The following ADAM20 variants were observed in gnomAD, a reference collection of about 807,000 sequenced individuals.
ADAM20 encodes ADAM metallopeptidase domain 20.
For missense variants in ADAM20, 871 were observed against 883.2 expected, an observed-to-expected ratio of 0.99 and a Z score of 0.18; for synonymous variants, 305 against 310.2, an observed-to-expected ratio of 0.98 and a Z score of 0.18.
the ADAM20 span, among the ~76,000 whole-genome samples, chr14:70,569,107 G>C: frequency 6.6e-6 from 1 of 152,048 alleles, no homozygotes; most frequent in African/African-American, 2.4e-5. Context: ...AGCCAGAAGA[G>C]ACTGAAGCCT....
upstream of ADAM20, among the ~76,000 whole-genome samples, chr14:70,536,084 GCA>G (rs1390355222): frequency 6.6e-6 from 1 of 152,114 alleles, no homozygotes; most frequent in Non-Finnish European, 1.5e-5. Flanking sequence ...AACAATTGCA[GCA>G]CAGTTATGAA....
chr14:70,526,205 T>G (rs919888988), intron 1 of ADAM20, among the ~76,000 whole-genome samples: 2 of 152,202 alleles, frequency 1.3e-5, no homozygotes, highest in African/African-American at 4.8e-5. Context: ...TGCTCATATT[T>G]GAAATCAAAA....
the ADAM20 span, among the ~76,000 whole-genome samples, chr14:70,544,509 A>T: frequency 6.6e-6 from 1 of 152,210 alleles, no homozygotes; most frequent in African/African-American, 2.4e-5. Flanking sequence ...CTTTCATGGT[A>T]TATATGAGAA....
rs758154003 is a variant in ADAM20, at chr14:70,523,830, CA to C, written c.927del (p.Val310LeufsTer56). On this transcript the variant is annotated frameshift_variant, in exon 2 of 2. Transcript: ENST00000256389. LOFTEE classifies it low-confidence loss of function (END_TRUNC). ...TGGCATATTCCTTTAACATAGGCAACACCAAGCTTCATGCCTTGTGTGTCTT... is the reference window on the plus strand; with the variant it reads ...TGGCATATTCCTTTAACATAGGCAACCCAAGCTTCATGCCTTGTGTGTCTT... Reference protein sequence around the residue: ...FIKDTQGMKLGVAYVKGICQN... With the variant: ...FIKDTQGMKLXVAYVKGICQN... The C allele has an allele frequency of 6.2e-7, 1 of 1,614,050 alleles. No individual in the cohort carries two copies. The highest frequency in any genetic ancestry group is 8.5e-7 in the Non-Finnish European group (1 of 1,179,974).
the ADAM20 span, among the ~76,000 whole-genome samples, chr14:70,577,159 A>G: frequency 6.6e-6 from 1 of 152,232 alleles, no homozygotes; most frequent in African/African-American, 2.4e-5. Context: ...CCAAAATAAA[A>G]AAGAACTTAC....
In ADAM20 at chr14:70,524,867, T is replaced by TTAGGGATC; in HGVS notation, c.-118_-111dup. The TTAGGGATC allele has an allele frequency of 6.2e-7, 1 of 1,612,660 alleles. No homozygotes were observed. The highest frequency in any genetic ancestry group is 8.5e-7 in the Non-Finnish European group (1 of 1,179,776). On this transcript the variant is annotated 5_prime_UTR_variant, in exon 2 of 2. An upstream open reading frame in the 5' UTR gains an earlier in-frame stop. Coordinates refer to ENST00000256389, the MANE Select transcript of ADAM20 (RefSeq NM_003814.5). ...GCTGTTCAGGGTGCATGGCTGACCT[T>TTAGGGATC]TAGGGATCTGGGGATCTGTGTCCTG...
intron 1 of ADAM20, among the ~76,000 whole-genome samples, chr14:70,528,984 A>G (rs1470654935): frequency 2.6e-5 from 4 of 152,242 alleles, no homozygotes; most frequent in Non-Finnish European, 5.9e-5. Flanking sequence ...TATCAGGAAG[A>G]TATAACAATT....
At chr14:70,528,398 A>C (rs1464691814) in intron 1 of ADAM20, among the ~76,000 whole-genome samples, 1 of 152,240 alleles carries the variant, frequency 6.6e-6, no homozygotes, top group African/African-American at 2.4e-5. Flanking sequence ...ACTTAGGTCC[A>C]TCTTCTAAGA....
chr14:70,567,577 T>C, the ADAM20 span, among the ~76,000 whole-genome samples: 2 of 152,164 alleles, frequency 1.3e-5, no homozygotes, highest in Non-Finnish European at 2.9e-5. Context: ...GAGAAAGCAT[T>C]TTTTAAGCTT....
chr14:70,571,090 A>G, the ADAM20 span, among the ~76,000 whole-genome samples: 3 of 152,230 alleles, frequency 2.0e-5, no homozygotes, highest in African/African-American at 7.2e-5. Context: ...CTGGACATCG[A>G]AGGAACATAC....
At chr14:70,547,510 G>A in the ADAM20 span, 1 of 129,340 alleles carries the variant, frequency 7.7e-6, no homozygotes, top group South Asian at 2.9e-4. Flanking sequence ...AGGGGTCAGG[G>A]AGTTCCCTTT....
At chr14:70,570,596 C>T in the ADAM20 span, among the ~76,000 whole-genome samples, 4 of 152,098 alleles carry the variant, frequency 2.6e-5, no homozygotes, top group East Asian at 5.8e-4. Context: ...CTTGAACAGA[C>T]GAATGAGTTA....
chr14:70,571,071 T>C, the ADAM20 span, among the ~76,000 whole-genome samples: 1 of 152,092 alleles, frequency 6.6e-6, no homozygotes, highest in Non-Finnish European at 1.5e-5. Context: ...CATAAAAACC[T>C]TCAACAAACT....
the ADAM20 span, among the ~76,000 whole-genome samples, chr14:70,540,436 T>A: frequency 2.0e-5 from 3 of 152,230 alleles, no homozygotes; most frequent in Non-Finnish European, 4.4e-5. Context: ...CTTTAAAACT[T>A]AGTGGCACAG....
chr14:70,536,465 CAAAAAAAAAAAAAA>C (rs56738784), upstream of ADAM20, among the ~76,000 whole-genome samples: 199 of 43,134 alleles, frequency 4.6e-3, 3 homozygotes, highest in Non-Finnish European at 6.5e-3. Context: ...AACTCTGTCT[CAAAAAAAAAAAAAA>C]AAAAAAAAAA....
intron 1 of ADAM20, among the ~76,000 whole-genome samples, chr14:70,532,310 C>T (rs898717511): frequency 6.6e-6 from 1 of 151,940 alleles, no homozygotes; most frequent in African/African-American, 2.4e-5. Flanking sequence ...ACTTATACAA[C>T]ACAAAAATCG....
chr14:70,538,105 G>T (rs765426739), upstream of ADAM20, among the ~76,000 whole-genome samples: 3 of 151,952 alleles, frequency 2.0e-5, no homozygotes, highest in Admixed American at 6.5e-5. Context: ...CCTGCATCAT[G>T]ATGCTCCTCA....
chr14:70,569,097 A>G, the ADAM20 span, among the ~76,000 whole-genome samples: 1 of 152,220 alleles, frequency 6.6e-6, no homozygotes, highest in Non-Finnish European at 1.5e-5. Context: ...AAACCTTACA[A>G]GCCAGAAGAG....
chr14:70,523,627 G>T lies in ADAM20; in HGVS notation c.1131C>A (p.Ser377Arg), dbSNP rs1418941790. Residue 377 changes from serine to arginine, a missense_variant, in exon 2 of 2, where the codon AGC becomes AGA. Physicochemically the swap from Ser to Arg is moderately radical, Grantham distance 110. Coordinates refer to ENST00000256389, the MANE Select transcript of ADAM20 (RefSeq NM_003814.5). ...HAYRKVTTKF[S>R]NCSYAQYWDS... ...CCCAATATTGGGCATAACTGCAGTT[G>T]CTAAATTTAGTTGTCACCTTTCTAT... The T allele has an allele frequency of 6.8e-6, 11 of 1,614,040 alleles. No homozygotes were observed. The South Asian group carries it at 1.2e-4, about 18-fold the overall frequency.
Sources: allele counts gnomAD v4.1 joint callset (sites outside exome capture counted in the v4.1 genomes callset), GRCh38; gene constraint gnomAD v4.1.1; transcripts MANE v1.5; gene names NCBI Gene and HGNC (gene_info 2026-07-23, HGNC 2026-07-21).